KIAA1671: variants seen among roughly 807,000 people sequenced by gnomAD.
KIAA1671 encodes the protein uncharacterized protein KIAA1671.
A neutral mutation model predicts 131.2 loss-of-function variants in KIAA1671; 52 were observed. That is an observed-to-expected ratio of 0.40 (90% CI 0.32 to 0.50). The LOEUF is 0.50. KIAA1671 is among the 20% of genes least tolerant of loss of function. The pLI, the probability that KIAA1671 is intolerant of heterozygous loss-of-function variation, is 0.73. For synonymous variants in KIAA1671, 1,003 were observed against 961.6 expected, an observed-to-expected ratio of 1.04 and a Z score of -0.80; for missense variants, 2,360 against 2,364.2, an observed-to-expected ratio of 1.00 and a Z score of 0.04.
intron 6 of KIAA1671, among the ~76,000 whole-genome samples, chr22:25,115,031 A>T (rs1931582559): frequency 6.6e-6 from 1 of 152,220 alleles, no homozygotes; most frequent in Admixed American, 6.5e-5. Flanking sequence ...CGTGCCCTGA[A>T]ATGTTTTCTA....
chr22:25,080,751 A>G (rs1048144027), intron 6 of KIAA1671, among the ~76,000 whole-genome samples: 3 of 152,132 alleles, frequency 2.0e-5, no homozygotes, highest in Admixed American at 6.5e-5. Context: ...TGGCCCCTCC[A>G]AGCAGGACCA....
chr22:25,036,076 T>A (rs111643222), intron 4 of KIAA1671, among the ~76,000 whole-genome samples: 3,537 of 152,152 alleles, frequency 0.023, 53 homozygotes, highest in Middle Eastern at 0.044. Context: ...GTCTTTATTT[T>A]ATTTATTTAT....
At chr22:24,981,958 C>T (rs1323912559) in intron 1 of KIAA1671, among the ~76,000 whole-genome samples, 1 of 152,176 alleles carries the variant, frequency 6.6e-6, no homozygotes, top group African/African-American at 2.4e-5. Context: ...GCCTGGGAGG[C>T]ATAACCATAT....
chr22:25,138,480 T>C (rs776874227), intron 6 of KIAA1671, among the ~76,000 whole-genome samples: 2 of 152,214 alleles, frequency 1.3e-5, no homozygotes, highest in African/African-American at 2.4e-5. Context: ...TCTTTATCAA[T>C]TCATTTGTAG....
chr22:24,974,539 A>G lies in KIAA1671; in HGVS notation c.-208+21767A>G, dbSNP rs558726523. 9.9e-5 allele frequency among the ~76,000 whole-genome samples: 15 copies of G among 152,250 alleles called. 1 individual carries two copies. Among genetic ancestry groups the G allele is most frequent in the African/African-American group, 3.6e-4 (15 of 41,544 alleles). ...TGCATGAGCTCCGTGTTTAAACTCC[A>G]AACTCCAGTCATTCTTGTATCACTT... On this transcript the variant is annotated intron_variant, in intron 1 of 12. Transcript: ENST00000358431.
intron 1 of KIAA1671, among the ~76,000 whole-genome samples, chr22:24,986,095 A>G (rs1286330901): frequency 6.6e-6 from 1 of 152,168 alleles, no homozygotes; most frequent in Non-Finnish European, 1.5e-5. Context: ...CTTATCTCAG[A>G]TGAATCACGT....
chr22:25,040,109 C>T lies in KIAA1671; in HGVS notation c.2979C>T (p.Ser993=). 6.4e-7 allele frequency: 1 copy of T among 1,551,678 alleles called. No individual in the cohort carries two copies. The highest frequency in any genetic ancestry group is 8.7e-7 in the Non-Finnish European group (1 of 1,147,002). ...GTGCCTTAAGAAAACCTCAACTATC[C>T]CACTACAGGGTGGAGACCCAGGAGG... ...TASALRKPQL[S]HYRVETQEVN... is the part of the protein sequence containing the mutation. Residue 993 remains serine, a synonymous_variant, in exon 5 of 13, where the codon TCC becomes TCT. Coordinates refer to ENST00000358431, the MANE Select transcript of KIAA1671 (RefSeq NM_001145206.2).
chr22:25,148,438 T>C (rs1932933782), intron 6 of KIAA1671, among the ~76,000 whole-genome samples: 1 of 152,100 alleles, frequency 6.6e-6, no homozygotes, highest in Non-Finnish European at 1.5e-5. Flanking sequence ...AAGGAGAGTG[T>C]GCTCCCTGGG....
At chr22:25,158,063 C>G (rs959176020) in intron 6 of KIAA1671, among the ~76,000 whole-genome samples, 1 of 152,162 alleles carries the variant, frequency 6.6e-6, no homozygotes, top group Non-Finnish European at 1.5e-5. Context: ...CCTTGTGATC[C>G]GCCTGCCTCG....
At chr22:25,155,493 G>GT (rs1933200494) in intron 6 of KIAA1671, among the ~76,000 whole-genome samples, 1 of 151,954 alleles carries the variant, frequency 6.6e-6, no homozygotes, top group African/African-American at 2.4e-5. Flanking sequence ...GTGTGTGTGT[G>GT]TATTGGGTGC....
intron 1 of KIAA1671, among the ~76,000 whole-genome samples, chr22:25,020,213 AT>A (rs1925587992): frequency 6.6e-6 from 1 of 151,768 alleles, no homozygotes; most frequent in Admixed American, 6.6e-5. Flanking sequence ...TCTGGACCAT[AT>A]TTTTTTTCTC....
At chr22:25,093,718 CACA>C (rs1568950862) in intron 6 of KIAA1671, among the ~76,000 whole-genome samples, 16 of 124,778 alleles carry the variant, frequency 1.3e-4, no homozygotes, top group African/African-American at 6.4e-4. Context: ...CACACACACA[CACA>C]CACACACACA....
intron 6 of KIAA1671, among the ~76,000 whole-genome samples, chr22:25,083,716 A>G (rs570682197): frequency 1.3e-5 from 2 of 152,306 alleles, no homozygotes; most frequent in East Asian, 3.9e-4. Context: ...TCCACATTCT[A>G]TTGAATTTAC....
chr22:25,102,803 A>G (rs1395198436), intron 6 of KIAA1671: 1 of 152,346 alleles, frequency 6.6e-6, no homozygotes, highest in African/African-American at 2.4e-5. Flanking sequence ...TTTTGTCACA[A>G]CCTTTTGAAG....
At chr22:25,015,397 G>A (rs1925255220) in intron 1 of KIAA1671, among the ~76,000 whole-genome samples, 2 of 152,106 alleles carry the variant, frequency 1.3e-5, no homozygotes, top group East Asian at 1.9e-4. Context: ...AACACGGGGG[G>A]AAACAGCAGC....
intron 6 of KIAA1671, among the ~76,000 whole-genome samples, chr22:25,127,150 A>C (rs745548036): frequency 1.3e-5 from 2 of 152,180 alleles, no homozygotes; most frequent in Non-Finnish European, 2.9e-5. Flanking sequence ...TTAAAAGGGA[A>C]TCATAATACT....
intron 4 of KIAA1671, among the ~76,000 whole-genome samples, chr22:25,037,024 G>A (rs1373014303): frequency 2.0e-5 from 3 of 152,108 alleles, no homozygotes; most frequent in South Asian, 2.1e-4. Flanking sequence ...TAAAATTTAC[G>A]TATTAAAATA....
At chr22:25,078,830 A>G (rs1244625210) in intron 6 of KIAA1671, among the ~76,000 whole-genome samples, 1 of 151,942 alleles carries the variant, frequency 6.6e-6, no homozygotes, top group East Asian at 1.9e-4. Flanking sequence ...ATCATGAGAG[A>G]TTTTCATCTG....
chr22:25,166,168 C>T (rs146943326), intron 6 of KIAA1671, among the ~76,000 whole-genome samples: 2 of 152,246 alleles, frequency 1.3e-5, no homozygotes, highest in East Asian at 1.9e-4. Flanking sequence ...GAATGTTGTT[C>T]GAGAAAGAGA....
Sources: allele counts gnomAD v4.1 joint callset (sites outside exome capture counted in the v4.1 genomes callset), GRCh38; gene constraint gnomAD v4.1.1; transcripts MANE v1.5; gene names NCBI Gene and HGNC (gene_info 2026-07-23, HGNC 2026-07-21).